Variants in PTPRE observed in about 807,000 individuals in gnomAD.
PTPRE encodes protein tyrosine phosphatase receptor type E.
In PTPRE, 51 loss-of-function variants were observed where a neutral mutation model predicts 102.0. The observed-to-expected ratio is 0.50, with a 90% confidence interval of 0.40 to 0.63. The LOEUF is 0.63. Ranked by LOEUF, PTPRE falls within the 30% of genes least tolerant of loss-of-function variation. PTPRE has a pLI of 0.00. For missense variants in PTPRE, 752 were observed against 915.1 expected, an observed-to-expected ratio of 0.82 and a Z score of 2.30; for synonymous variants, 345 against 348.2, an observed-to-expected ratio of 0.99 and a Z score of 0.10.
intron 2 of PTPRE, among the ~76,000 whole-genome samples, chr10:127,994,076 T>C (rs1852992473): frequency 6.6e-6 from 1 of 152,186 alleles, no homozygotes; most frequent in Non-Finnish European, 1.5e-5. Context: ...AAAATTCTTA[T>C]GACATATGAA....
chr10:127,992,552 C>A, intron 2 of PTPRE, among the ~76,000 whole-genome samples: 1 of 152,156 alleles, frequency 6.6e-6, no homozygotes, highest in East Asian at 1.9e-4. Flanking sequence ...AAGAGGCCCC[C>A]TATTCAGGGC....
chr10:128,020,058 GT>G (rs1310929950), intron 2 of PTPRE, among the ~76,000 whole-genome samples: 1 of 18,834 alleles, frequency 5.3e-5, no homozygotes, highest in African/African-American at 2.1e-4. Flanking sequence ...ACGCGCGCAC[GT>G]GTGTGTGTGT....
At chr10:128,057,541 T>A (rs775835203) in intron 7 of PTPRE, among the ~76,000 whole-genome samples, 3 of 152,204 alleles carry the variant, frequency 2.0e-5, no homozygotes, top group African/African-American at 4.8e-5. Flanking sequence ...GTCTGTCCGA[T>A]CTGTGGTCTG....
intron 1 of PTPRE, among the ~76,000 whole-genome samples, chr10:127,933,783 G>A (rs186946297): frequency 1.4e-3 from 217 of 152,252 alleles, no homozygotes; most frequent in Non-Finnish European, 2.2e-3. Flanking sequence ...TCCACCCCAG[G>A]TGGCAGAGTG....
chr10:127,932,168 T>C (rs1473283033), intron 1 of PTPRE, among the ~76,000 whole-genome samples: 10 of 152,216 alleles, frequency 6.6e-5, no homozygotes, highest in African/African-American at 2.4e-4. Flanking sequence ...ATTCAACTTA[T>C]GATTGTCCTC....
chr10:127,972,955 A>C (rs1159061375), intron 1 of PTPRE, among the ~76,000 whole-genome samples: 1 of 152,202 alleles, frequency 6.6e-6, no homozygotes, highest in Non-Finnish European at 1.5e-5. Context: ...CTTTGGGATG[A>C]TTCCTTGAGT....
chr10:128,018,468 G>A (rs1035997937), intron 2 of PTPRE, among the ~76,000 whole-genome samples: 7 of 152,200 alleles, frequency 4.6e-5, no homozygotes, highest in African/African-American at 1.7e-4. Context: ...ATCAAAATAG[G>A]TCTTACTGAC....
chr10:127,983,025 A>G (rs1460273603), intron 2 of PTPRE, among the ~76,000 whole-genome samples: 1 of 152,224 alleles, frequency 6.6e-6, no homozygotes, highest in Admixed American at 6.5e-5. Context: ...AGCGGGCACC[A>G]TGATACCGGT....
At chr10:127,980,140 C>A (rs1851492821) in intron 1 of PTPRE, among the ~76,000 whole-genome samples, 1 of 152,148 alleles carries the variant, frequency 6.6e-6, no homozygotes, top group South Asian at 2.1e-4. Flanking sequence ...TGCCCAAAAA[C>A]CAATGCCCTC....
chr10:128,085,052 C>G lies in PTPRE; in HGVS notation c.*2146C>G, dbSNP rs1851995090. 1 of 455,550 alleles carries G rather than the reference C, an allele frequency of 2.2e-6. No individual in the cohort carries two copies. Among genetic ancestry groups the G allele is most frequent in the Non-Finnish European group, 4.4e-6 (1 of 226,674 alleles). The allele number at this position is 455,550 out of a possible 1,614,324, so 28.2% of individuals were successfully genotyped here. A position where few individuals can be genotyped will look rare whatever the true frequency, so the allele number is the denominator to read the frequency against. On this transcript the variant is annotated 3_prime_UTR_variant, in exon 21 of 21. Transcript: ENST00000254667. Reference sequence around the variant, plus strand: ...GTCCACTGCAGGGGTTCTGCCTGTTCCCAAACTTTTTCCATTCCAGGAACA... The same window carrying G: ...GTCCACTGCAGGGGTTCTGCCTGTTGCCAAACTTTTTCCATTCCAGGAACA...
At chr10:128,030,435 AAG>A (rs1441129924) in intron 2 of PTPRE, among the ~76,000 whole-genome samples, 1 of 152,020 alleles carries the variant, frequency 6.6e-6, no homozygotes, top group Admixed American at 6.5e-5. Context: ...GTTAATGAGA[AAG>A]AGAGGCAGAG....
chr10:128,047,867 G>A, intron 5 of PTPRE, 30 bp downstream of exon 5: 6 of 1,538,872 alleles, frequency 3.9e-6, no homozygotes, highest in South Asian at 1.2e-5. Context: ...GCTGGGGCTT[G>A]GGGGAAAATG....
chr10:127,924,258 C>G (rs9665669), intron 1 of PTPRE, among the ~76,000 whole-genome samples: 10 of 152,292 alleles, frequency 6.6e-5, no homozygotes, highest in African/African-American at 2.4e-4. Context: ...CAGAGTCTCC[C>G]TCTGTCACCC....
At chr10:128,023,347 A>G (rs1246528233) in intron 2 of PTPRE, among the ~76,000 whole-genome samples, 1 of 151,916 alleles carries the variant, frequency 6.6e-6, no homozygotes, top group East Asian at 1.9e-4. Flanking sequence ...ATAGGAAAAA[A>G]GATAGTATAT....
Position 128,047,471 on chromosome 10 carries a change from T to TCGC in PTPRE, c.196_198dup (p.Ala66dup). 1 of 1,613,396 alleles carries TCGC rather than the reference T, an allele frequency of 6.2e-7. No individual in the cohort carries two copies. Among genetic ancestry groups the TCGC allele is most frequent in the Non-Finnish European group, 8.5e-7 (1 of 1,180,024 alleles). The stretch of plus-strand genomic sequence containing the variant: ...CTGCTCCTCCTCCTCGTGCTCCTTC[T>TCGC]CGCCGCCTACTTCTTCAGGTAGGAG... On this transcript the variant is annotated inframe_insertion, in exon 4 of 21. Coordinates refer to ENST00000254667, the MANE Select transcript of PTPRE (RefSeq NM_006504.6).
intron 1 of PTPRE, among the ~76,000 whole-genome samples, chr10:127,952,543 C>G (rs1849111263): frequency 6.6e-6 from 1 of 152,128 alleles, no homozygotes; most frequent in Non-Finnish European, 1.5e-5. Context: ...TGGGCTGCAA[C>G]AAAATGCAGC....
chr10:128,021,826 C>T (rs1424477658), intron 2 of PTPRE, among the ~76,000 whole-genome samples: 1 of 152,246 alleles, frequency 6.6e-6, no homozygotes, highest in Non-Finnish European at 1.5e-5. Context: ...CTTGCTGTAT[C>T]TCTTACCACG....
rs563647293 is a variant in PTPRE, at chr10:128,059,471, G to A, written c.512-1468G>A. ...ACAAACAAGGCATGACCTGGGGGCTGCCCGGCTCCCCATCACAAACGCCAC... is the reference window on the plus strand; with the variant it reads ...ACAAACAAGGCATGACCTGGGGGCTACCCGGCTCCCCATCACAAACGCCAC... On this transcript the variant is annotated intron_variant, in intron 7 of 20. Transcript: ENST00000254667. Among the ~76,000 whole-genome samples, 270 of 152,286 alleles carry A rather than the reference G, an allele frequency of 1.8e-3. 1 individual carries two copies. Among genetic ancestry groups the A allele is most frequent in the African/African-American group, 6.0e-3 (248 of 41,562 alleles).
intron 2 of PTPRE, among the ~76,000 whole-genome samples, chr10:128,033,054 A>T (rs1192621562): frequency 3.9e-5 from 6 of 152,230 alleles, no homozygotes; most frequent in Non-Finnish European, 5.9e-5. Flanking sequence ...CGGGGGCTGT[A>T]ATGGTGTCGC....
Sources: gnomAD v4.1 joint callset for allele counts (sites outside exome capture counted in the v4.1 genomes callset) on GRCh38, gnomAD v4.1.1 for gene constraint, MANE v1.5 for transcripts, NCBI Gene and HGNC (gene_info 2026-07-23, HGNC 2026-07-21) for gene names.